The following MAGI1 variants were observed in gnomAD, a reference collection of about 807,000 sequenced individuals.
MAGI1 encodes membrane-associated guanylate kinase, WW and PDZ domain-containing protein 1.
MAGI1 carries 58 observed loss-of-function variants against 139.9 expected under a neutral mutation model. That is an observed-to-expected ratio of 0.41 (90% CI 0.34 to 0.52). The LOEUF is 0.52. Ranked by LOEUF, MAGI1 falls within the 20% of genes least tolerant of loss-of-function variation. The pLI, the probability that MAGI1 is intolerant of heterozygous loss-of-function variation, is 0.12. For synonymous variants in MAGI1, 812 were observed against 737.9 expected (o/e 1.10, Z -1.63); for missense variants, 1,874 against 1,901.6 (o/e 0.99, Z 0.27).
At chr3:65,687,249 G>A (rs993128411) in intron 1 of MAGI1, 2 of 183,614 alleles carry the variant, frequency 1.1e-5, no homozygotes, top group African/African-American at 4.8e-5. Flanking sequence ...AAGAGAGGGG[G>A]GCAGGGGAGG....
At chr3:65,968,261 T>C (rs968034546) in intron 1 of MAGI1, among the ~76,000 whole-genome samples, 1 of 152,222 alleles carries the variant, frequency 6.6e-6, no homozygotes, top group Non-Finnish European at 1.5e-5. Flanking sequence ...AGTCCACTAC[T>C]GGGATTTTAT....
At chr3:65,437,305 T>C in intron 9 of MAGI1, 58 bp from the exon 10 acceptor site, 3 of 1,072,422 alleles carry the variant, frequency 2.8e-6, no homozygotes, top group Non-Finnish European at 4.3e-6. Flanking sequence ...TTGAGTTACT[T>C]ATGATTCACC....
intron 14 of MAGI1, among the ~76,000 whole-genome samples, chr3:65,388,140 C>T (rs1292928502): frequency 6.6e-6 from 1 of 152,106 alleles, no homozygotes; most frequent in Non-Finnish European, 1.5e-5. Flanking sequence ...CATTGAAACC[C>T]TTCAAAAGGA....
intron 1 of MAGI1, among the ~76,000 whole-genome samples, chr3:65,650,570 G>A (rs747665547): frequency 6.6e-6 from 1 of 152,224 alleles, no homozygotes; most frequent in Non-Finnish European, 1.5e-5. Context: ...AGTCTCCTGT[G>A]GAGGGAGCAC....
chr3:65,932,266 C>T (rs897171975), intron 1 of MAGI1, among the ~76,000 whole-genome samples: 4 of 152,120 alleles, frequency 2.6e-5, no homozygotes, highest in African/African-American at 9.7e-5. Context: ...GGATTATGTT[C>T]TTTTCAAATT....
At chr3:65,741,663 C>T (rs2035285347) in intron 1 of MAGI1, among the ~76,000 whole-genome samples, 1 of 152,160 alleles carries the variant, frequency 6.6e-6, no homozygotes, top group Non-Finnish European at 1.5e-5. Context: ...GTTGAGAAGA[C>T]TCATTTTAAA....
chr3:65,356,306 AAAT>A lies in MAGI1; in HGVS notation c.*69_*71del, dbSNP rs923999909. The A allele has an allele frequency of 2.1e-4, 311 of 1,450,478 alleles. 1 individual carries two copies. The Middle Eastern group carries it at 3.6e-3, about 17-fold the overall frequency. 89.9% of individuals were successfully genotyped at this position (1,450,478 alleles called of 1,614,324 possible). A position where few individuals can be genotyped will look rare whatever the true frequency, so the allele number is the denominator to read the frequency against. On this transcript the variant is annotated 3_prime_UTR_variant, in exon 23 of 23. Coordinates refer to ENST00000402939, the MANE Select transcript of MAGI1 (RefSeq NM_001033057.2). ...CAGATGCTTCATTAGGTAAGAAACT[AAAT>A]AATTTCAGGTTTGTGACTTTCCTCT...
At chr3:65,762,625 T>C (rs1014122641) in intron 1 of MAGI1, among the ~76,000 whole-genome samples, 15 of 152,210 alleles carry the variant, frequency 9.9e-5, no homozygotes, top group African/African-American at 3.1e-4. Flanking sequence ...TAACAATAAT[T>C]ACTTTGTTTC....
intron 1 of MAGI1, among the ~76,000 whole-genome samples, chr3:65,762,087 A>T (rs1457702495): frequency 6.6e-6 from 1 of 151,918 alleles, no homozygotes; most frequent in African/African-American, 2.4e-5. Flanking sequence ...CTTTATGGTA[A>T]CTCACTATCC....
At position 65,771,692 on chromosome 3, in the gene MAGI1, A is replaced by C. The variant is rs546402486; in HGVS notation, c.314-149604T>G. On this transcript the variant is annotated intron_variant, in intron 1 of 22. Transcript: ENST00000402939. ...AGCTAGTCAGCACAAAAAATTTTGAAACCTTTAATAAAAAACAAAATCTAA... is the reference window on the plus strand; with the variant it reads ...AGCTAGTCAGCACAAAAAATTTTGACACCTTTAATAAAAAACAAAATCTAA... Among the ~76,000 whole-genome samples, 4 of 152,322 alleles carry C rather than the reference A, an allele frequency of 2.6e-5. No individual in the cohort carries two copies. The South Asian group carries it at 8.3e-4, about 32-fold the overall frequency.
chr3:65,745,887 C>G (rs2035668851), intron 1 of MAGI1, among the ~76,000 whole-genome samples: 1 of 152,092 alleles, frequency 6.6e-6, no homozygotes. Context: ...CACTATCATG[C>G]CCAGCTAATT....
chr3:65,955,389 C>G (rs895161029), intron 1 of MAGI1, among the ~76,000 whole-genome samples: 4 of 152,166 alleles, frequency 2.6e-5, no homozygotes, highest in African/African-American at 9.7e-5. Flanking sequence ...CCAGGCCAAA[C>G]TCTCAGTGGC....
intron 1 of MAGI1, among the ~76,000 whole-genome samples, chr3:66,012,216 T>C (rs2067358536): frequency 6.6e-6 from 1 of 152,128 alleles, no homozygotes; most frequent in Non-Finnish European, 1.5e-5. Flanking sequence ...CTGTCAAACT[T>C]TTAAGTAAAC....
chr3:65,662,337 C>G (rs2086246519), intron 1 of MAGI1, among the ~76,000 whole-genome samples: 2 of 152,192 alleles, frequency 1.3e-5, no homozygotes, highest in South Asian at 4.1e-4. Context: ...TAGGGAGCAG[C>G]AAACTTTCCA....
chr3:65,836,680 G>A (rs562486948), intron 1 of MAGI1, among the ~76,000 whole-genome samples: 12 of 152,174 alleles, frequency 7.9e-5, no homozygotes, highest in South Asian at 2.1e-4. Context: ...TTAGCTGGGC[G>A]TGGTGGTGGG....
At chr3:65,753,936 A>G (rs985264388) in intron 1 of MAGI1, among the ~76,000 whole-genome samples, 1 of 152,184 alleles carries the variant, frequency 6.6e-6, no homozygotes, top group African/African-American at 2.4e-5. Flanking sequence ...GGAAAGGACC[A>G]CACAGCTGCA....
rs551129780 is a variant in MAGI1 at position 65,510,269 on chromosome 3, A to G, written c.431-16638T>C. Among the ~76,000 whole-genome samples the G allele has an allele frequency of 5.5e-3, 831 of 152,366 alleles. 6 individuals are homozygous for G. Among genetic ancestry groups the G allele is most frequent in the African/African-American group, 0.019 (773 of 41,590 alleles). Reference sequence around the variant, plus strand: ...CGCCTCTCCTCCTCCAAAGGAACGCAGTTCCTCACCAGCAACGGAACAAAG... The same window carrying G: ...CGCCTCTCCTCCTCCAAAGGAACGCGGTTCCTCACCAGCAACGGAACAAAG... On this transcript the variant is annotated intron_variant, in intron 2 of 22. Transcript: ENST00000402939.
chr3:65,852,442 C>T (rs936525700), intron 1 of MAGI1, among the ~76,000 whole-genome samples: 2 of 151,848 alleles, frequency 1.3e-5, no homozygotes, highest in South Asian at 2.1e-4. Flanking sequence ...ACTAGACAGA[C>T]GTGCGTATAT....
chr3:65,700,636 T>C (rs573554304), intron 1 of MAGI1, among the ~76,000 whole-genome samples: 16 of 152,244 alleles, frequency 1.1e-4, no homozygotes, highest in Non-Finnish European at 1.8e-4. Context: ...AACAACCACA[T>C]CTGATTTCAT....
Sources: gnomAD v4.1 joint callset for allele counts (sites outside exome capture counted in the v4.1 genomes callset) on GRCh38, gnomAD v4.1.1 for gene constraint, MANE v1.5 for transcripts, NCBI Gene and HGNC (gene_info 2026-07-23, HGNC 2026-07-21) for gene names.